The following KAZN variants were observed in gnomAD, a reference collection of about 807,000 sequenced individuals.
The protein encoded by KAZN is kazrin.
KAZN carries 40 observed loss-of-function variants against 87.4 expected under a neutral mutation model. The observed-to-expected ratio is 0.46, with a 90% confidence interval of 0.36 to 0.60. KAZN has a LOEUF of 0.60. Among genes scored for constraint, KAZN ranks in the 20% least tolerant of loss-of-function variants. The probability of loss-of-function intolerance (pLI) is 0.00; values close to 1 mark genes in which losing one functional copy is unlikely to be tolerated. For missense variants in KAZN, 898 were observed against 1,073.9 expected (o/e 0.84, Z 2.29); for synonymous variants, 466 against 458.3 (o/e 1.02, Z -0.22).
At chr1:14,602,962 G>A (rs1181055402) in intron 1 of KAZN, among the ~76,000 whole-genome samples, 1 of 152,176 alleles carries the variant, frequency 6.6e-6, no homozygotes, top group Non-Finnish European at 1.5e-5. Flanking sequence ...CTGTACCTTT[G>A]TACATTTCCA....
chr1:14,520,069 T>C (rs967748697), intron 2 of KAZN, among the ~76,000 whole-genome samples: 11 of 152,002 alleles, frequency 7.2e-5, no homozygotes, highest in African/African-American at 2.7e-4. Context: ...CACATAGCAG[T>C]CACATATACA....
At chr1:15,054,601 G>A (rs1343093735) in intron 4 of KAZN, among the ~76,000 whole-genome samples, 3 of 151,002 alleles carry the variant, frequency 2.0e-5, no homozygotes, top group Non-Finnish European at 2.9e-5. Context: ...GCAGTAAACC[G>A]AGATCGCGCC....
At chr1:14,094,976 T>C (rs914553212) in intron 1 of KAZN, among the ~76,000 whole-genome samples, 3 of 152,168 alleles carry the variant, frequency 2.0e-5, no homozygotes, top group Admixed American at 6.5e-5. Context: ...GAAATTTGTG[T>C]CTTTAGGATG....
intron 1 of KAZN, among the ~76,000 whole-genome samples, chr1:13,926,228 T>C (rs183252478): frequency 6.6e-6 from 1 of 152,244 alleles, no homozygotes; most frequent in African/African-American, 2.4e-5. Flanking sequence ...ACCGTGCTGT[T>C]ACTACCCAGA....
At chr1:14,823,504 G>A (rs1006830738) in intron 1 of KAZN, among the ~76,000 whole-genome samples, 8 of 152,128 alleles carry the variant, frequency 5.3e-5, no homozygotes, top group South Asian at 2.1e-4. Flanking sequence ...TTGGGGGGTC[G>A]CTTTGGTTGT....
At position 14,033,150 on chromosome 1, in the gene KAZN, C is replaced by G. The variant is rs571188924; in HGVS notation, c.91+139394C>G. 5.9e-5 allele frequency among the ~76,000 whole-genome samples: 9 copies of G among 152,306 alleles called. No individual in the cohort carries two copies. The East Asian group carries it at 1.7e-3, about 29-fold the overall frequency. On this transcript the variant is annotated intron_variant, in intron 1 of 16. Transcript: ENST00000636203. ...GAATCCTTTTCTGCTACTAATGCAG[C>G]AGACAAGAATCAAACCCAGTAAAAC... is the stretch of plus-strand genomic sequence containing the variant.
At position 13,953,185 on chromosome 1, in the gene KAZN, AC is replaced by A. The variant is rs369415030; in HGVS notation, c.91+59433del. 4.2e-3 allele frequency among the ~76,000 whole-genome samples: 644 copies of A among 151,842 alleles called. 4 individuals carry two copies. Among genetic ancestry groups the A allele is most frequent in the African/African-American group, 0.015 (617 of 41,362 alleles). The stretch of plus-strand genomic sequence containing the variant: ...CAGGCACTATCTTATCTCTCCTCTC[AC>A]CCCTTACATGTTGGAGGTGAATTTT... On this transcript the variant is annotated intron_variant, in intron 1 of 16. Transcript: ENST00000636203.
At chr1:14,094,596 G>T (rs1331498528) in intron 1 of KAZN, among the ~76,000 whole-genome samples, 1 of 152,052 alleles carries the variant, frequency 6.6e-6, no homozygotes, top group East Asian at 1.9e-4. Context: ...AAAATATATT[G>T]CAAATTTAAA....
At chr1:14,235,067 G>T (rs767570848) in intron 2 of KAZN, among the ~76,000 whole-genome samples, 1 of 152,178 alleles carries the variant, frequency 6.6e-6, no homozygotes, top group Non-Finnish European at 1.5e-5. Context: ...GTGTATATCC[G>T]TGTGAAAACT....
chr1:14,021,951 T>TG (rs1640843582), intron 1 of KAZN, among the ~76,000 whole-genome samples: 1 of 110,446 alleles, frequency 9.1e-6, no homozygotes, highest in Non-Finnish European at 1.8e-5. Flanking sequence ...TGAATGAACA[T>TG]GCTTTTTTTT....
At chr1:14,384,094 A>C (rs529427393) in intron 2 of KAZN, among the ~76,000 whole-genome samples, 6 of 151,246 alleles carry the variant, frequency 4.0e-5, no homozygotes, top group African/African-American at 9.8e-5. Flanking sequence ...ATGGGAGTTC[A>C]CTCATGATTT....
chr1:14,854,205 C>A (rs971862609), intron 1 of KAZN, among the ~76,000 whole-genome samples: 5 of 152,176 alleles, frequency 3.3e-5, no homozygotes, highest in African/African-American at 4.8e-5. Context: ...AGAAAAGGGA[C>A]TTACCCAACA....
At chr1:14,724,851 C>T (rs981722367) in intron 1 of KAZN, among the ~76,000 whole-genome samples, 3 of 152,216 alleles carry the variant, frequency 2.0e-5, no homozygotes, top group Non-Finnish European at 4.4e-5. Flanking sequence ...TCTGCCCTTC[C>T]TCACTCTGGT....
chr1:14,645,828 T>C (rs1195902716), intron 1 of KAZN, among the ~76,000 whole-genome samples: 1 of 152,182 alleles, frequency 6.6e-6, no homozygotes, highest in Non-Finnish European at 1.5e-5. Context: ...TTGTGCCAGT[T>C]TTCAAGGGGA....
chr1:14,394,309 A>G (rs1401880388), intron 2 of KAZN, among the ~76,000 whole-genome samples: 2 of 152,276 alleles, frequency 1.3e-5, no homozygotes, highest in East Asian at 3.8e-4. Flanking sequence ...CATCACTGCC[A>G]TTTCAGCAGA....
intron 2 of KAZN, among the ~76,000 whole-genome samples, chr1:14,225,614 C>T (rs1000359125): frequency 7.9e-5 from 12 of 152,146 alleles, no homozygotes; most frequent in African/African-American, 2.9e-4. Flanking sequence ...TACTACCTTA[C>T]TTCAAACTAT....
chr1:14,234,269 C>T (rs962916224), intron 2 of KAZN, among the ~76,000 whole-genome samples: 60 of 152,120 alleles, frequency 3.9e-4, no homozygotes, highest in African/African-American at 1.4e-3. Context: ...ATGGATGAAA[C>T]TGGAAACCAT....
chr1:14,736,531 G>A (rs1018458524), intron 1 of KAZN, among the ~76,000 whole-genome samples: 1 of 136,036 alleles, frequency 7.4e-6, no homozygotes, highest in African/African-American at 2.8e-5. Context: ...GGCTGATCTC[G>A]AACTCCTCAC....
chr1:15,029,183 T>C (rs1197195607), intron 2 of KAZN, among the ~76,000 whole-genome samples: 1 of 152,074 alleles, frequency 6.6e-6, no homozygotes, highest in African/African-American at 2.4e-5. Context: ...CCAAACAGAA[T>C]TGGAGCATCA....
Sources: allele counts gnomAD v4.1 joint callset (sites outside exome capture counted in the v4.1 genomes callset), GRCh38; gene constraint gnomAD v4.1.1; transcripts MANE v1.5; gene names NCBI Gene and HGNC (gene_info 2026-07-23, HGNC 2026-07-21).